MYT1L: variants seen among roughly 807,000 people sequenced by gnomAD.
The protein encoded by MYT1L is myelin transcription factor 1-like protein.
Under a neutral mutation model 126.7 loss-of-function variants are expected in MYT1L, and 12 were observed. The ratio of observed to expected loss-of-function variants is 0.09; its 90% CI spans 0.06 to 0.15. MYT1L has a LOEUF of 0.15. Ranked by LOEUF, MYT1L falls within the 10% of genes least tolerant of loss-of-function variation. MYT1L has a pLI of 1.00. For missense variants in MYT1L, 979 were observed against 1,585.2 expected, an observed-to-expected ratio of 0.62 and a Z score of 6.49; for synonymous variants, 541 against 604.2, an observed-to-expected ratio of 0.90 and a Z score of 1.53.
At chr2:2,254,426 A>T (rs996673091) in intron 2 of MYT1L, among the ~76,000 whole-genome samples, 5 of 152,084 alleles carry the variant, frequency 3.3e-5, no homozygotes, top group Non-Finnish European at 7.4e-5. Flanking sequence ...GGAGACTGTG[A>T]TGGGACATTG....
At chr2:1,833,107 C>T (rs1261872017) in intron 21 of MYT1L, among the ~76,000 whole-genome samples, 1 of 152,202 alleles carries the variant, frequency 6.6e-6, no homozygotes, top group East Asian at 1.9e-4. Flanking sequence ...CCAAGGGTCT[C>T]AAGTTCCTAG....
chr2:1,843,239 C>T (rs1393092383), intron 19 of MYT1L, among the ~76,000 whole-genome samples: 1 of 152,248 alleles, frequency 6.6e-6, no homozygotes, highest in Non-Finnish European at 1.5e-5. Flanking sequence ...TGCAGGCTCA[C>T]ACGGTTCTCT....
At chr2:2,065,519 C>G (rs974972652) in intron 3 of MYT1L, among the ~76,000 whole-genome samples, 17 of 152,014 alleles carry the variant, frequency 1.1e-4, no homozygotes, top group Admixed American at 3.3e-4. Context: ...CTCTTCATCC[C>G]GAGTAGCCAT....
intron 23 of MYT1L, among the ~76,000 whole-genome samples, chr2:1,800,694 T>A (rs2034685132): frequency 6.6e-6 from 1 of 152,110 alleles, no homozygotes; most frequent in African/African-American, 2.4e-5. Flanking sequence ...AACCTCTGCA[T>A]TTACAGAGCG....
intron 2 of MYT1L, among the ~76,000 whole-genome samples, chr2:2,283,762 A>G (rs1402186479): frequency 1.3e-5 from 2 of 152,212 alleles, no homozygotes; most frequent in East Asian, 3.9e-4. Flanking sequence ...CAAAAGGGAT[A>G]CAAATGATTC....
intron 1 of MYT1L, among the ~76,000 whole-genome samples, chr2:2,292,654 A>G (rs10208604): frequency 0.3 from 46,219 of 151,898 alleles, 7,327 homozygotes; most frequent in South Asian, 0.48. Context: ...CCCAGCCTCC[A>G]CAAGCCACAT....
At chr2:2,190,528 C>A (rs2092525667) in intron 2 of MYT1L, among the ~76,000 whole-genome samples, 1 of 146,594 alleles carries the variant, frequency 6.8e-6, no homozygotes, top group South Asian at 2.2e-4. Context: ...TGAGCTCCAG[C>A]CTGCTGGGCC....
intron 3 of MYT1L, among the ~76,000 whole-genome samples, chr2:2,104,261 A>G (rs555054521): frequency 4.6e-5 from 7 of 152,352 alleles, no homozygotes; most frequent in African/African-American, 1.7e-4. Context: ...AACAAAATCA[A>G]CGCAATAATT....
At chr2:2,295,747 GAGAGAGAC>G (rs1172278523) in intron 1 of MYT1L, among the ~76,000 whole-genome samples, 1 of 137,718 alleles carries the variant, frequency 7.3e-6, no homozygotes, top group Non-Finnish European at 1.7e-5. Context: ...CAGACAGAGA[GAGAGAGAC>G]AGACAGACAG....
chr2:2,237,500 T>C (rs1490717592), intron 2 of MYT1L, among the ~76,000 whole-genome samples: 1 of 152,210 alleles, frequency 6.6e-6, no homozygotes, highest in Non-Finnish European at 1.5e-5. Context: ...GACATCATTC[T>C]CTTTCCTAAC....
intron 4 of MYT1L, among the ~76,000 whole-genome samples, chr2:2,032,682 A>C (rs146154675): frequency 0.022 from 1,730 of 77,314 alleles, 58 homozygotes; most frequent in Non-Finnish European, 0.032. Flanking sequence ...CACCCCTCGC[A>C]AGTGCCTCTC....
chr2:2,255,342 GGTT>G (rs1559472736), intron 2 of MYT1L, among the ~76,000 whole-genome samples: 1 of 152,010 alleles, frequency 6.6e-6, no homozygotes, highest in Non-Finnish European at 1.5e-5. Flanking sequence ...ATATTGGGGG[GGTT>G]GTTAGTTTTT....
chr2:1,915,697 T>G (rs920757915), intron 11 of MYT1L, among the ~76,000 whole-genome samples: 2 of 152,166 alleles, frequency 1.3e-5, no homozygotes, highest in Admixed American at 6.5e-5. Flanking sequence ...AAACCCAGGT[T>G]TCAGAGGAGA....
intron 18 of MYT1L, among the ~76,000 whole-genome samples, chr2:1,882,172 G>C (rs2047644838): frequency 6.6e-6 from 1 of 152,154 alleles, no homozygotes; most frequent in African/African-American, 2.4e-5. Context: ...AGCACAAGCG[G>C]GTACCACCAC....
At chr2:2,183,597 G>C (rs966276851) in intron 2 of MYT1L, among the ~76,000 whole-genome samples, 1 of 152,120 alleles carries the variant, frequency 6.6e-6, no homozygotes, top group Admixed American at 6.5e-5. Context: ...AGTGTGATGA[G>C]GTAGAGATCC....
intron 4 of MYT1L, among the ~76,000 whole-genome samples, chr2:2,033,528 T>TA (rs1213651052): frequency 6.6e-6 from 1 of 152,176 alleles, no homozygotes; most frequent in African/African-American, 2.4e-5. Flanking sequence ...TTAGTCTACT[T>TA]ACAATGCTAC....
chr2:1,946,059 G>C (rs188051035), intron 8 of MYT1L, among the ~76,000 whole-genome samples: 1 of 152,106 alleles, frequency 6.6e-6, no homozygotes, highest in Non-Finnish European at 1.5e-5. Context: ...CCTATTGCTC[G>C]CATGACCACC....
chr2:2,116,758 C>G (rs1408246718), intron 3 of MYT1L, among the ~76,000 whole-genome samples: 1 of 152,218 alleles, frequency 6.6e-6, no homozygotes, highest in Non-Finnish European at 1.5e-5. Context: ...CACCTTAGGA[C>G]CACCAGGCTT....
intron 3 of MYT1L, among the ~76,000 whole-genome samples, chr2:2,170,686 T>A (rs2089913755): frequency 6.6e-6 from 1 of 152,228 alleles, no homozygotes; most frequent in Non-Finnish European, 1.5e-5. Context: ...CTATCACCCA[T>A]TTACTAAAGT....
Sources: gnomAD v4.1 joint callset for allele counts (sites outside exome capture counted in the v4.1 genomes callset) on GRCh38, gnomAD v4.1.1 for gene constraint, MANE v1.5 for transcripts, NCBI Gene and HGNC (gene_info 2026-07-23, HGNC 2026-07-21) for gene names.